RCC1L: variants seen among roughly 807,000 people sequenced by gnomAD.
RCC1L encodes RCC1 like.
A neutral mutation model predicts 58.6 loss-of-function variants in RCC1L; 46 were observed. The ratio of observed to expected loss-of-function variants is 0.79; its 90% CI spans 0.62 to 1.00. RCC1L has a LOEUF of 1.00. RCC1L is among the 50% of genes least tolerant of loss of function. The probability of loss-of-function intolerance (pLI) is 0.00; values close to 1 mark genes in which losing one functional copy is unlikely to be tolerated. For synonymous variants in RCC1L, 281 were observed against 262.9 expected, an observed-to-expected ratio of 1.07 and a Z score of -0.67; for missense variants, 636 against 623.6, an observed-to-expected ratio of 1.02 and a Z score of -0.21.
chr7:75,056,365 C>T (rs1043657121), intron 8 of RCC1L: 3 of 406,150 alleles, frequency 7.4e-6, no homozygotes, highest in Admixed American at 6.4e-5. Flanking sequence ...AAGGGACGAG[C>T]GTATAAATCA....
intron 3 of RCC1L, 36 bp from the exon 4 acceptor site, chr7:75,064,684 G>A: frequency 6.2e-7 from 1 of 1,610,440 alleles, no homozygotes. Context: ...CAGTTCTGCA[G>A]GTTTGTGGGA....
chr7:75,067,326 C>T (rs73368327), intron 2 of RCC1L, among the ~76,000 whole-genome samples: 4 of 148,656 alleles, frequency 2.7e-5, no homozygotes, highest in African/African-American at 9.9e-5. Context: ...ATGCATACTT[C>T]GTCTTCTTAT....
rs941501230 is a variant in RCC1L at position 75,051,675 on chromosome 7, C to T, written c.1317+1036G>A. Reference sequence around the variant, plus strand: ...ATCCACCCACCTGGGCCTCCCCAAGCGCTGGGATTACAGGTGTGAGACACC... The same window carrying T: ...ATCCACCCACCTGGGCCTCCCCAAGTGCTGGGATTACAGGTGTGAGACACC... On this transcript the variant is annotated intron_variant, in intron 10 of 10. Transcript: ENST00000610322. Among the ~76,000 whole-genome samples the T allele has an allele frequency of 2.1e-4, 32 of 152,190 alleles. 1 individual carries two copies. In the South Asian group the frequency reaches 5.2e-3, roughly 25 times the overall value.
intron 10 of RCC1L, among the ~76,000 whole-genome samples, chr7:75,050,710 C>T (rs1276055784): frequency 6.6e-6 from 1 of 152,176 alleles, no homozygotes; most frequent in Non-Finnish European, 1.5e-5. Context: ...ACTCTCTGTT[C>T]CTCACACCGG....
At chr7:75,068,605 G>A (rs144626313) in intron 2 of RCC1L, among the ~76,000 whole-genome samples, 1,821 of 149,088 alleles carry the variant, frequency 0.012, 35 homozygotes, top group African/African-American at 0.036. Context: ...AGAATCACCT[G>A]AACCCAGGAG....
At chr7:75,039,676 C>T (rs910055435), downstream of RCC1L, among the ~76,000 whole-genome samples, 18 of 152,208 alleles carry the variant, frequency 1.2e-4, no homozygotes, top group Non-Finnish European at 2.4e-4. Flanking sequence ...GTCTTCCACC[C>T]GGGTGCCTCT....
intron 8 of RCC1L, chr7:75,056,577 A>C: frequency 1.3e-6 from 2 of 1,533,286 alleles, no homozygotes; most frequent in South Asian, 1.2e-5. Flanking sequence ...TCCAAAGCTG[A>C]AGGCTGTTCT....
chr7:75,042,650 A>G lies in RCC1L; in HGVS notation c.*382T>C. 9.1e-7 allele frequency: 1 copy of G among 1,093,280 alleles called. No homozygotes were observed. The allele number at this position is 1,093,280 out of a possible 1,614,324, so 67.7% of individuals were successfully genotyped here. On this transcript the variant is annotated 3_prime_UTR_variant, in exon 11 of 11. Coordinates refer to ENST00000610322, the MANE Select transcript of RCC1L (RefSeq NM_030798.5). ...TGGCCTTGGCCAGACACAAACCAAG[A>G]GACTGCCATGACAGACAGAGCAGAA...
Position 75,033,071 on chromosome 7 carries a change from C to CAAA in RCC1L, c.1318-4995_1318-4993dup, listed in dbSNP as rs71098024. On this transcript the variant is annotated intron_variant, in intron 10 of 10. Coordinates refer to the RCC1L transcript ENST00000614461. ...TGGGCAACAGAGTGAGACTTTGTCT[C>CAAA]AAAAAAAAAAAAAAAAAAAAAAAGA... 2.1e-3 allele frequency among the ~76,000 whole-genome samples: 147 copies of CAAA among 69,798 alleles called. 2 individuals are homozygous for CAAA. The highest frequency in any genetic ancestry group is 4.3e-3 in the East Asian group (9 of 2,082). 45.8% of individuals were successfully genotyped at this position (69,798 alleles called of 152,430 possible).
At position 75,055,715 on chromosome 7, in the gene RCC1L, G is replaced by GA. The variant is rs587606887; in HGVS notation, c.1231+185dup. On this transcript the variant is annotated intron_variant, in intron 9 of 10. Transcript: ENST00000610322. ...AACCAAAATTAAAACTCCAGGGGGG[G>GA]AAAACAAGACATTATACAACCTCGA... The GA allele has an allele frequency of 5.2e-3, 3,605 of 686,784 alleles. 86 individuals carry two copies. The African/African-American group carries it at 0.055, about 10-fold the overall frequency. 42.5% of individuals were successfully genotyped at this position (686,784 alleles called of 1,614,324 possible). A position where few individuals can be genotyped will look rare whatever the true frequency, so the allele number is the denominator to read the frequency against.
chr7:75,042,120 G>T, downstream of RCC1L: 1 of 938,630 alleles, frequency 1.1e-6, no homozygotes, highest in Non-Finnish European at 1.3e-6. Context: ...TGTATCAAAA[G>T]GCTTGTTTAT....
intron 10 of RCC1L, among the ~76,000 whole-genome samples, chr7:75,028,922 A>C (rs1308532215): frequency 6.6e-6 from 1 of 151,682 alleles, no homozygotes; most frequent in Non-Finnish European, 1.5e-5. Flanking sequence ...ACCTCCTCTC[A>C]CCTCCAGGCA....
chr7:75,052,893 T>C (rs1805958812), intron 9 of RCC1L, 97 bp from the exon 10 acceptor site: 3 of 1,103,400 alleles, frequency 2.7e-6, no homozygotes, highest in Non-Finnish European at 4.1e-6. Flanking sequence ...TAGAACCAGA[T>C]ACCTACAGAG....
chr7:75,047,927 G>A lies in RCC1L; in HGVS notation c.1317+4784C>T, dbSNP rs2131982023. ...CCCAAAGTGCTGGGATTATAGAGAT[G>A]AGCCATAGCGCCTGGCCAATAATTA... On this transcript the variant is annotated intron_variant, in intron 10 of 10. Transcript: ENST00000610322. 1.6e-5 allele frequency among the ~76,000 whole-genome samples: 2 copies of A among 127,106 alleles called. 1 individual carries two copies. Among genetic ancestry groups the A allele is most frequent in the South Asian group, 5.6e-4 (2 of 3,602 alleles). 83.4% of individuals were successfully genotyped at this position (127,106 alleles called of 152,430 possible).
chr7:75,073,486 G>T lies in RCC1L; in HGVS notation c.252C>A (p.Pro84=). ...VPSFVVPSSG[P]GPRAGARPRR... ...GCGGTCGGGCGCCGGCGCGGGGCCC[G>T]GGCCCGGAGCTGGGCACCACAAAGG... Residue 84 remains proline, a synonymous_variant, in exon 1 of 11, where the codon CCC becomes CCA. Transcript: ENST00000610322. 1 of 1,383,114 alleles carries T rather than the reference G, an allele frequency of 7.2e-7. No homozygotes were observed. The highest frequency in any genetic ancestry group is 3.1e-5 in the East Asian group (1 of 32,246). 85.7% of individuals were successfully genotyped at this position (1,383,114 alleles called of 1,614,324 possible).
chr7:75,046,073 C>G (rs1277176453), intron 10 of RCC1L, among the ~76,000 whole-genome samples: 2 of 152,342 alleles, frequency 1.3e-5, no homozygotes, highest in African/African-American at 4.8e-5. Context: ...CAGGCGCCGA[C>G]CCCGGAGCTT....
chr7:75,030,193 G>A (rs1413205218), intron 10 of RCC1L, among the ~76,000 whole-genome samples: 1 of 152,240 alleles, frequency 6.6e-6, no homozygotes, highest in Admixed American at 6.5e-5. Context: ...GGGGGTGCAG[G>A]CCTAGGTGTG....
intron 6 of RCC1L, 134 bp from the exon 7 acceptor site, chr7:75,058,903 G>T: frequency 9.0e-7 from 1 of 1,106,618 alleles, no homozygotes; most frequent in Non-Finnish European, 1.3e-6. Context: ...GGGGCTGGGT[G>T]CAGTGGCTCA....
Position 75,064,594 on chromosome 7 carries a change from T to G in RCC1L, c.638A>C (p.Asn213Thr). 6.2e-7 allele frequency: 1 copy of G among 1,613,842 alleles called. No individual in the cohort carries two copies. The highest frequency in any genetic ancestry group is 8.5e-7 in the Non-Finnish European group (1 of 1,179,832). Residue 213 changes from asparagine to threonine, a missense_variant, in exon 4 of 11, where the codon AAT becomes ACT. Coordinates refer to ENST00000610322, the MANE Select transcript of RCC1L (RefSeq NM_030798.5). ...TTTAGGAACTCACCTGTAAATTTCA[T>G]TTTCGACCACCTTTCTTCCACATTG... ...YGQCGRKVVE[N>T]EIYSESHRVH...
Sources: allele counts gnomAD v4.1 joint callset (sites outside exome capture counted in the v4.1 genomes callset), GRCh38; gene constraint gnomAD v4.1.1; transcripts MANE v1.5; gene names NCBI Gene and HGNC (gene_info 2026-07-23, HGNC 2026-07-21).